Variants in ACSL1 observed in about 807,000 individuals in gnomAD.
ACSL1 encodes acyl-CoA synthetase long chain family member 1, also known as long-chain-fatty-acid--CoA ligase 1.
ACSL1 carries 41 observed loss-of-function variants against 98.4 expected under a neutral mutation model. The observed-to-expected ratio is 0.42, with a 90% CI of 0.32 to 0.54. The LOEUF (loss-of-function observed/expected upper bound fraction) is 0.54. ACSL1 is among the 20% of genes least tolerant of loss of function. The pLI is 0.13. For missense variants in ACSL1, 734 were observed against 883.1 expected, an observed-to-expected ratio of 0.83 and a Z score of 2.14; for synonymous variants, 316 against 322.7, an observed-to-expected ratio of 0.98 and a Z score of 0.22.
intron 1 of ACSL1, among the ~76,000 whole-genome samples, chr4:184,823,025 C>G (rs867315369): frequency 6.6e-6 from 1 of 152,160 alleles, no homozygotes; most frequent in South Asian, 2.1e-4. Flanking sequence ...CTTGAAGTAC[C>G]AACATGTTGA....
chr4:184,767,344 C>T (rs1298848869), intron 12 of ACSL1, among the ~76,000 whole-genome samples: 3 of 149,972 alleles, frequency 2.0e-5, no homozygotes, highest in Admixed American at 1.3e-4. Flanking sequence ...CAGTGGAATA[C>T]TATTTGGCCG....
chr4:184,766,056 G>GGTCCCAAGCA lies in ACSL1; in HGVS notation c.1264-71_1264-70insTGCTTGGGAC. 8.9e-6 allele frequency: 13 copies of GGTCCCAAGCA among 1,459,160 alleles called. No individual in the cohort carries two copies. Among genetic ancestry groups the GGTCCCAAGCA allele is most frequent in the Non-Finnish European group, 9.5e-6 (10 of 1,050,528 alleles). The allele number at this position is 1,459,160 out of a possible 1,614,324, so 90.4% of individuals were successfully genotyped here. A position where few individuals can be genotyped will look rare whatever the true frequency, so the allele number is the denominator to read the frequency against. On this transcript the variant is annotated intron_variant, in intron 13 of 20. Transcript: ENST00000281455. This position sits in a 1 kb window ranked among gnomAD's most constrained non-coding sequence, Gnocchi z 4.8. ...GAAGTCGGCGGCCTCTCCGCCAAGG[G>GGTCCCAAGCA]GGCCTGCTTGGGACCCCGTTCCCTA...
At position 184,776,995 on chromosome 4, in the gene ACSL1, G is replaced by C. The variant is rs1258703666; in HGVS notation, c.478-12C>G. The C allele has an allele frequency of 6.2e-7, 1 of 1,611,016 alleles. No homozygotes were observed. ...TCAATAATCACCCACTAAACAAACA[G>C]TAAAGGTCAGGGAGAGAAAACAGGA... On this transcript the variant is annotated splice_polypyrimidine_tract_variant and intron_variant, in intron 5 of 20. Transcript: ENST00000281455.
intron 11 of ACSL1, 104 bp downstream of exon 11, chr4:184,770,295 G>T (rs1304016151): frequency 6.4e-7 from 1 of 1,555,882 alleles, no homozygotes; most frequent in East Asian, 2.4e-5. Context: ...TGGTAAATAT[G>T]AAATGTGTGT....
chr4:184,775,622 T>C (rs1765172079), intron 7 of ACSL1, among the ~76,000 whole-genome samples: 1 of 152,218 alleles, frequency 6.6e-6, no homozygotes, highest in Admixed American at 6.5e-5. Context: ...GAGAAGGTTC[T>C]GTTAGAACAC....
intron 1 of ACSL1, among the ~76,000 whole-genome samples, chr4:184,816,060 G>A (rs1772605862): frequency 6.6e-6 from 1 of 151,946 alleles, no homozygotes; most frequent in African/African-American, 2.4e-5. Flanking sequence ...GGGCGCAGCG[G>A]CAGTGAGCCA....
chr4:184,795,436 T>G (rs1431331782), intron 2 of ACSL1, among the ~76,000 whole-genome samples: 1 of 152,262 alleles, frequency 6.6e-6, no homozygotes, highest in African/African-American at 2.4e-5. Context: ...TCAGACCTGC[T>G]TTATCATATT....
chr4:184,825,950 TC>T lies in ACSL1; in HGVS notation c.-68del, dbSNP rs1404202743. On this transcript the variant is annotated 5_prime_UTR_variant, in exon 1 of 21. Coordinates refer to ENST00000281455, the MANE Select transcript of ACSL1 (RefSeq NM_001995.5). The surrounding 1 kb of genome is among the most constrained non-coding windows in gnomAD (Gnocchi z 4.7). ...GGACCGGCCGCTCCGCCGCCGGCTG[TC>T]ACTGCAGCCCACTCCCTGCCCCGCG... The T allele has an allele frequency of 8.1e-5, 12 of 148,212 alleles. No homozygotes were observed. Among genetic ancestry groups the T allele is most frequent in the Non-Finnish European group, 1.5e-4 (10 of 66,412 alleles). 9.2% of individuals were successfully genotyped at this position (148,212 alleles called of 1,614,324 possible).
chr4:184,819,541 C>T (rs749540071), intron 1 of ACSL1, among the ~76,000 whole-genome samples: 2 of 152,094 alleles, frequency 1.3e-5, no homozygotes, highest in African/African-American at 2.4e-5. Flanking sequence ...AAGACACCAT[C>T]GGACCAGGAC....
intron 2 of ACSL1, among the ~76,000 whole-genome samples, chr4:184,799,744 G>C (rs908655778): frequency 6.6e-6 from 1 of 152,118 alleles, no homozygotes; most frequent in African/African-American, 2.4e-5. Context: ...AGCTACTCTG[G>C]AGTTAGAGGT....
chr4:184,763,081 G>T, intron 16 of ACSL1, 86 bp downstream of exon 16: 1 of 1,351,344 alleles, frequency 7.4e-7, no homozygotes, highest in Non-Finnish European at 1.0e-6. Flanking sequence ...GCTTTATTGA[G>T]CTGTTGGGAA....
At chr4:184,815,932 C>T (rs1334418003) in intron 1 of ACSL1, among the ~76,000 whole-genome samples, 2 of 152,086 alleles carry the variant, frequency 1.3e-5, no homozygotes, top group African/African-American at 4.8e-5. Context: ...CCCAGCCTGG[C>T]CAACATGGCG....
At chr4:184,797,056 T>C (rs964736209) in intron 2 of ACSL1, among the ~76,000 whole-genome samples, 2 of 152,186 alleles carry the variant, frequency 1.3e-5, no homozygotes, top group Non-Finnish European at 2.9e-5. Flanking sequence ...CTGCCCTTCC[T>C]GGACAGCTCC....
At chr4:184,776,231 T>C (rs563998390) in intron 7 of ACSL1, among the ~76,000 whole-genome samples, 2 of 152,380 alleles carry the variant, frequency 1.3e-5, no homozygotes, top group South Asian at 4.1e-4. Flanking sequence ...CGGGCACAGC[T>C]TGTCAGTGCT....
intron 1 of ACSL1, among the ~76,000 whole-genome samples, chr4:184,805,171 C>T (rs1771218264): frequency 6.6e-6 from 1 of 152,098 alleles, no homozygotes. Context: ...TGAAAAAATG[C>T]TCATCATCAC....
upstream of ACSL1, chr4:184,826,388 G>C (rs1773492950): frequency 6.6e-6 from 1 of 152,520 alleles, no homozygotes; most frequent in South Asian, 2.1e-4. Context: ...CTCAGCCCGT[G>C]CCCCGCTGGC....
At chr4:184,818,209 T>G (rs1405996623) in intron 1 of ACSL1, among the ~76,000 whole-genome samples, 1 of 152,204 alleles carries the variant, frequency 6.6e-6, no homozygotes, top group Non-Finnish European at 1.5e-5. Flanking sequence ...ATGAGCCATT[T>G]GACCATTTCA....
At position 184,756,288 on chromosome 4, in the gene ACSL1, A is replaced by AT. The variant is rs1561163560; in HGVS notation, c.*836dup. 6.6e-6 allele frequency: 1 copy of AT among 152,652 alleles called. No homozygotes were observed. Among genetic ancestry groups the AT allele is most frequent in the East Asian group, 1.9e-4 (1 of 5,200 alleles). The allele number at this position is 152,652 out of a possible 1,614,324, so 9.5% of individuals were successfully genotyped here. A position where few individuals can be genotyped will look rare whatever the true frequency, so the allele number is the denominator to read the frequency against. ...CAGGCGTCACAGCTGAGCATGGCTGATCCAGGTAACTCTTTCTTGAAATGC... is the reference window on the plus strand; with the variant it reads ...CAGGCGTCACAGCTGAGCATGGCTGATTCCAGGTAACTCTTTCTTGAAATGC... On this transcript the variant is annotated 3_prime_UTR_variant, in exon 21 of 21. Coordinates refer to ENST00000281455, the MANE Select transcript of ACSL1 (RefSeq NM_001995.5).
chr4:184,770,113 T>A, intron 11 of ACSL1: 1 of 848,742 alleles, frequency 1.2e-6, no homozygotes, highest in Non-Finnish European at 1.8e-6. Context: ...AACTCCTAAT[T>A]TTAAAATGAG....
Sources: gnomAD v4.1 joint callset for allele counts (sites outside exome capture counted in the v4.1 genomes callset) on GRCh38, gnomAD v4.1.1 for gene constraint, Gnocchi (gnomAD v3.1) non-coding constraint, MANE v1.5 for transcripts, NCBI Gene and HGNC (gene_info 2026-07-23, HGNC 2026-07-21) for gene names.